SRGAP3: variants seen among roughly 807,000 people sequenced by gnomAD.
The protein encoded by SRGAP3 is SLIT-ROBO Rho GTPase activating protein 3.
Under a neutral mutation model 121.1 loss-of-function variants are expected in SRGAP3, and 39 were observed. That is an observed-to-expected ratio of 0.32 (90% CI 0.25 to 0.42). The LOEUF is 0.42. SRGAP3 is among the 10% of genes least tolerant of loss of function. SRGAP3 has a pLI of 1.00. For missense variants in SRGAP3, 1,213 were observed against 1,470.6 expected, an observed-to-expected ratio of 0.82 and a Z score of 2.86; for synonymous variants, 601 against 570.0, an observed-to-expected ratio of 1.05 and a Z score of -0.77.
intron 20 of SRGAP3, 146 bp downstream of exon 20, chr3:8,992,760 C>T: frequency 1.4e-6 from 2 of 1,467,008 alleles, no homozygotes; most frequent in Admixed American, 1.7e-5. Flanking sequence ...CAATGCCAGC[C>T]AGCCCGCCCA....
intron 3 of SRGAP3, among the ~76,000 whole-genome samples, chr3:9,263,787 A>T (rs1489303679): frequency 1.3e-5 from 2 of 152,230 alleles, no homozygotes; most frequent in Non-Finnish European, 2.9e-5. Flanking sequence ...ATTCTACCAG[A>T]GGTACAAAGA....
rs763120841 is a variant in SRGAP3 at position 9,098,693 on chromosome 3, T to G, written c.423+5987A>C. On this transcript the variant is annotated intron_variant, in intron 3 of 21. Coordinates refer to ENST00000383836, the MANE Select transcript of SRGAP3 (RefSeq NM_014850.4). ...TCTGTAAAATGGGATAATGGCAGCA[T>G]CTTCATCTTAGGTTTGAAGAGTTAA... 5.0e-4 allele frequency among the ~76,000 whole-genome samples: 76 copies of G among 152,238 alleles called. 4 individuals carry two copies. Among genetic ancestry groups the G allele is most frequent in the Non-Finnish European group, 1.6e-4 (11 of 68,036 alleles).
chr3:9,037,675 C>T, intron 11 of SRGAP3: 1 of 299,830 alleles, frequency 3.3e-6, no homozygotes, highest in Non-Finnish European at 6.4e-6. Context: ...CATGGCTGGG[C>T]AGTTTGCTCA....
intron 1 of SRGAP3, among the ~76,000 whole-genome samples, chr3:9,345,807 AAAG>A (rs1409019930): frequency 1.3e-5 from 2 of 150,670 alleles, no homozygotes; most frequent in Non-Finnish European, 1.5e-5. Context: ...AAAAAAAAGA[AAAG>A]AAAAAAGAAA....
intron 8 of SRGAP3, among the ~76,000 whole-genome samples, chr3:9,055,685 A>G (rs1368745307): frequency 3.9e-5 from 6 of 152,236 alleles, no homozygotes; most frequent in African/African-American, 1.4e-4. Flanking sequence ...TCTAATGATA[A>G]AACAGAAATT....
At chr3:9,167,684 A>G (rs182527763) in intron 1 of SRGAP3, among the ~76,000 whole-genome samples, 9 of 152,322 alleles carry the variant, frequency 5.9e-5, no homozygotes, top group Admixed American at 1.3e-4. Context: ...GTGCAACTTC[A>G]GGAAGGAGGA....
intron 3 of SRGAP3, among the ~76,000 whole-genome samples, chr3:9,284,832 C>A (rs1364225584): frequency 2.9e-3 from 322 of 111,198 alleles, no homozygotes; most frequent in East Asian, 9.0e-3. Context: ...GAGTCTGCCT[C>A]AAAAAAAAAA....
intron 3 of SRGAP3, among the ~76,000 whole-genome samples, chr3:9,092,592 A>G (rs1472585067): frequency 6.6e-6 from 1 of 152,224 alleles, no homozygotes; most frequent in Non-Finnish European, 1.5e-5. Flanking sequence ...TGAATGTGAT[A>G]TTCTCAACCA....
chr3:9,264,575 T>A (rs1477208583), intron 3 of SRGAP3, among the ~76,000 whole-genome samples: 1 of 151,972 alleles, frequency 6.6e-6, no homozygotes, highest in African/African-American at 2.4e-5. Flanking sequence ...TATACACCAA[T>A]AACAGACAAA....
chr3:9,230,231 T>A (rs974444948), intron 1 of SRGAP3, among the ~76,000 whole-genome samples: 1 of 152,214 alleles, frequency 6.6e-6, no homozygotes, highest in Non-Finnish European at 1.5e-5. Flanking sequence ...ATGATGACAG[T>A]GAGGCTCAAA....
chr3:9,359,756 T>C (rs1159786273), intron 1 of SRGAP3, among the ~76,000 whole-genome samples: 1 of 152,242 alleles, frequency 6.6e-6, no homozygotes. Context: ...CTAGGAACTG[T>C]GGATGAAAAC....
intron 18 of SRGAP3, among the ~76,000 whole-genome samples, chr3:9,000,594 T>C (rs1942697196): frequency 6.6e-6 from 1 of 152,214 alleles, no homozygotes; most frequent in Non-Finnish European, 1.5e-5. Context: ...GAGGTCGTGT[T>C]GAAGGGCAAT....
At position 8,989,358 on chromosome 3, in the gene SRGAP3, G is replaced by A. The variant is rs1032154680; in HGVS notation, c.2886+1154C>T. ...CTGATCTTCAGGGACCCCTGGGAAT[G>A]GGCATGGGGCCAAACTAGAGCCTGC... On this transcript the variant is annotated intron_variant, in intron 21 of 21. Coordinates refer to ENST00000383836, the MANE Select transcript of SRGAP3 (RefSeq NM_014850.4). Among the ~76,000 whole-genome samples, 6 of 152,344 alleles carry A rather than the reference G, an allele frequency of 3.9e-5. No homozygotes were observed. The East Asian group carries it at 9.6e-4, about 24-fold the overall frequency.
intron 14 of SRGAP3, among the ~76,000 whole-genome samples, chr3:9,019,725 C>A (rs755237585): frequency 6.6e-6 from 1 of 152,254 alleles, no homozygotes; most frequent in Admixed American, 6.5e-5. Flanking sequence ...AACGGTCCCC[C>A]TGCCTTCCTG....
chr3:9,205,584 T>C lies in SRGAP3; in HGVS notation c.67+43301A>G, dbSNP rs945661833. Among the ~76,000 whole-genome samples the C allele has an allele frequency of 3.3e-5, 5 of 152,308 alleles. No homozygotes were observed. The East Asian group carries it at 7.7e-4, about 23-fold the overall frequency. ...GTCAGCCCCACCCAAATCTAGAACC[T>C]ACATCTCCTGCCTCCTGGTCCTATG... On this transcript the variant is annotated intron_variant, in intron 1 of 21. Transcript: ENST00000383836.
At chr3:9,285,213 C>G (rs943093104) in intron 3 of SRGAP3, among the ~76,000 whole-genome samples, 5 of 152,124 alleles carry the variant, frequency 3.3e-5, no homozygotes, top group African/African-American at 1.2e-4. Context: ...TCCTACTGTC[C>G]AGAAGCACAG....
intron 1 of SRGAP3, among the ~76,000 whole-genome samples, chr3:9,148,626 C>A (rs751158264): frequency 1.3e-5 from 2 of 152,158 alleles, no homozygotes; most frequent in African/African-American, 4.8e-5. Context: ...TTTGACCCCA[C>A]GGGGCCTCCA....
chr3:9,248,139 C>T (rs1181631152), intron 1 of SRGAP3, among the ~76,000 whole-genome samples: 1 of 152,248 alleles, frequency 6.6e-6, no homozygotes, highest in Non-Finnish European at 1.5e-5. Flanking sequence ...ACCCCGGAAG[C>T]CAGGCAGCGC....
intron 1 of SRGAP3, among the ~76,000 whole-genome samples, chr3:9,222,971 C>T (rs1952862691): frequency 6.6e-6 from 1 of 152,228 alleles, no homozygotes. Flanking sequence ...AGCCTCTGAG[C>T]CACACTCCAC....
Sources: gnomAD v4.1 joint callset for allele counts (sites outside exome capture counted in the v4.1 genomes callset) on GRCh38, gnomAD v4.1.1 for gene constraint, MANE v1.5 for transcripts, NCBI Gene and HGNC (gene_info 2026-07-23, HGNC 2026-07-21) for gene names.